The following ABHD3 variants were observed in gnomAD, a reference collection of about 807,000 sequenced individuals.
The protein encoded by ABHD3 is abhydrolase domain containing 3, phospholipase.
In ABHD3, 46 loss-of-function variants were observed where a neutral mutation model predicts 48.8. The ratio of observed to expected loss-of-function variants is 0.94; its 90% confidence interval spans 0.74 to 1.20. ABHD3 has a LOEUF of 1.20. Ranked by LOEUF, ABHD3 falls within the 50% of genes most tolerant of loss-of-function variation. ABHD3 has a pLI of 0.00. For missense variants in ABHD3, 490 were observed against 497.8 expected (o/e 0.98, Z 0.15); for synonymous variants, 192 against 183.7 (o/e 1.04, Z -0.36).
rs1355674405 is a variant in ABHD3, at chr18:21,687,149, A to G, written c.510-3184T>C. On this transcript the variant is annotated intron_variant, in intron 3 of 8. Transcript: ENST00000289119. ...GTCTTGAGCTTGTGAGCTCAAAACA[A>G]TCCTCTCGTCTTGGCCTCCTGAAGT... Among the ~76,000 whole-genome samples the G allele has an allele frequency of 3.3e-5, 5 of 151,920 alleles. No individual in the cohort carries two copies. The East Asian group carries it at 9.7e-4, about 30-fold the overall frequency.
intron 3 of ABHD3, among the ~76,000 whole-genome samples, chr18:21,691,565 T>C (rs2040252334): frequency 6.6e-6 from 1 of 152,272 alleles, no homozygotes; most frequent in Non-Finnish European, 1.5e-5. Context: ...CAGTAATTAA[T>C]GTGAGTATAT....
intron 4 of ABHD3, 143 bp from the exon 5 acceptor site, chr18:21,664,373 C>T: frequency 2.6e-6 from 2 of 758,170 alleles, no homozygotes; most frequent in South Asian, 4.3e-5. Context: ...AATAATTTAT[C>T]ATTTTCCTGT....
intron 2 of ABHD3, among the ~76,000 whole-genome samples, chr18:21,702,786 G>C (rs1034272363): frequency 6.6e-6 from 1 of 152,112 alleles, no homozygotes; most frequent in Non-Finnish European, 1.5e-5. Flanking sequence ...AAAACATCCA[G>C]CATTTAACCC....
chr18:21,703,869 G>A (rs1369341728), intron 1 of ABHD3, 122 bp from the exon 2 acceptor site: 3 of 1,070,138 alleles, frequency 2.8e-6, no homozygotes, highest in African/African-American at 3.2e-5. Context: ...TCTTTCTGGA[G>A]GGCTGACGCA....
intron 4 of ABHD3, among the ~76,000 whole-genome samples, chr18:21,675,262 GTTTTTTTT>G (rs61119109): frequency 2.7e-4 from 23 of 85,490 alleles, no homozygotes; most frequent in Admixed American, 1.5e-3. Flanking sequence ...AATGAGGTGG[GTTTTTTTT>G]TTTTTTTTTT....
At chr18:21,683,828 A>G in intron 4 of ABHD3, 92 bp downstream of exon 4, 3 of 1,264,922 alleles carry the variant, frequency 2.4e-6, no homozygotes, top group Non-Finnish European at 3.2e-6. Flanking sequence ...ACATAAACAG[A>G]GTTATTTTAA....
chr18:21,665,095 C>G (rs762651007), intron 4 of ABHD3, among the ~76,000 whole-genome samples: 2 of 152,058 alleles, frequency 1.3e-5, no homozygotes, highest in Non-Finnish European at 2.9e-5. Flanking sequence ...CAGACACCCA[C>G]CACCATGCCC....
At chr18:21,651,811 A>AAAATATAATCATT in intron 8 of ABHD3, 48 bp from the exon 9 acceptor site, 1 of 1,462,730 alleles carries the variant, frequency 6.8e-7, no homozygotes, top group Middle Eastern at 1.9e-4. Context: ...AGGAGAGAGA[A>AAAATATAATCATT]AAATATAATC....
At chr18:21,694,842 G>A (rs933139232) in intron 3 of ABHD3, among the ~76,000 whole-genome samples, 1 of 152,018 alleles carries the variant, frequency 6.6e-6, no homozygotes, top group Non-Finnish European at 1.5e-5. Flanking sequence ...ATGTGACACC[G>A]CTGATCTACT....
chr18:21,684,919 A>G (rs1181051946), intron 3 of ABHD3, among the ~76,000 whole-genome samples: 1 of 152,236 alleles, frequency 6.6e-6, no homozygotes, highest in Non-Finnish European at 1.5e-5. Flanking sequence ...AAATGGGCTC[A>G]GATCAATGTA....
chr18:21,697,070 T>C (rs2146334935), intron 3 of ABHD3, among the ~76,000 whole-genome samples: 1 of 150,862 alleles, frequency 6.6e-6, no homozygotes, highest in African/African-American at 2.5e-5. Context: ...TCTCATTCTA[T>C]TAACTTTTTT....
At chr18:21,696,275 C>T (rs1219168766) in intron 3 of ABHD3, among the ~76,000 whole-genome samples, 1 of 151,804 alleles carries the variant, frequency 6.6e-6, no homozygotes, top group African/African-American at 2.4e-5. Flanking sequence ...TCTCAAGTAG[C>T]TGGGACTACA....
At chr18:21,676,289 G>C (rs2039880504) in intron 4 of ABHD3, among the ~76,000 whole-genome samples, 1 of 152,184 alleles carries the variant, frequency 6.6e-6, no homozygotes, top group South Asian at 2.1e-4. Context: ...ATGTTCTCAG[G>C]TAATGTATAT....
chr18:21,664,317 T>C (rs2039572883), intron 4 of ABHD3, 87 bp from the exon 5 acceptor site: 22 of 1,232,098 alleles, frequency 1.8e-5, no homozygotes, highest in Non-Finnish European at 2.4e-5. Context: ...GAGCAAGGAG[T>C]CATACATATG....
At chr18:21,670,948 A>AG (rs1455988157) in intron 4 of ABHD3, among the ~76,000 whole-genome samples, 2 of 152,292 alleles carry the variant, frequency 1.3e-5, no homozygotes, top group East Asian at 3.9e-4. Flanking sequence ...CGGGAAGCAG[A>AG]GGTTGCAGTG....
rs1019141209 is a variant in ABHD3, at chr18:21,692,994, G to A, written c.510-9029C>T. On this transcript the variant is annotated intron_variant, in intron 3 of 8. Transcript: ENST00000289119. ...ATTACAGGACAATGTCGATTCCAGC[G>A]GCCACTCTACCTTAGCAAGACATTT... is the stretch of plus-strand genomic sequence containing the variant. Among the ~76,000 whole-genome samples, 7 of 152,110 alleles carry A rather than the reference G, an allele frequency of 4.6e-5. No individual in the cohort carries two copies. In the East Asian group the frequency reaches 9.6e-4, roughly 21 times the overall value.
In ABHD3 at chr18:21,665,477, T is replaced by A. The variant is rs144648863; in HGVS notation, c.556-1247A>T. ...CTGGTCTCAAATTCCTGAGTTTAAG[T>A]AATCCTCCCATCTTGGCCTCCCAAG... On this transcript the variant is annotated intron_variant, in intron 4 of 8. Transcript: ENST00000289119. Among the ~76,000 whole-genome samples, 303 of 152,072 alleles carry A rather than the reference T, an allele frequency of 2.0e-3. 2 individuals carry two copies. The highest frequency in any genetic ancestry group is 6.8e-3 in the African/African-American group (283 of 41,510).
At chr18:21,689,134 G>A (rs1340409602) in intron 3 of ABHD3, among the ~76,000 whole-genome samples, 1 of 152,164 alleles carries the variant, frequency 6.6e-6, no homozygotes, top group Non-Finnish European at 1.5e-5. Flanking sequence ...AATGGGAGTT[G>A]ACACTAGGAA....
At chr18:21,661,586 G>A (rs2039499381) in intron 5 of ABHD3, among the ~76,000 whole-genome samples, 1 of 151,798 alleles carries the variant, frequency 6.6e-6, no homozygotes, top group African/African-American at 2.4e-5. Flanking sequence ...AGCTGAGATC[G>A]CACCACTGCA....
Sources: gnomAD v4.1 joint callset for allele counts (sites outside exome capture counted in the v4.1 genomes callset) on GRCh38, gnomAD v4.1.1 for gene constraint, MANE v1.5 for transcripts, NCBI Gene and HGNC (gene_info 2026-07-23, HGNC 2026-07-21) for gene names.